The following CNTNAP2 variants were observed in gnomAD, a reference collection of about 807,000 sequenced individuals.
CNTNAP2 encodes the protein contactin associated protein 2.
Under a neutral mutation model 155.2 loss-of-function variants are expected in CNTNAP2, and 98 were observed. The observed-to-expected ratio is 0.63, with a 90% confidence interval of 0.54 to 0.75. CNTNAP2 has a LOEUF of 0.75. CNTNAP2 is among the 30% of genes least tolerant of loss of function. CNTNAP2 has a pLI of 0.00. For missense variants in CNTNAP2, 1,727 were observed against 1,688.1 expected (o/e 1.02, Z -0.40); for synonymous variants, 651 against 631.2 (o/e 1.03, Z -0.47).
chr7:146,282,358 C>G (rs1411632683), intron 1 of CNTNAP2, among the ~76,000 whole-genome samples: 1 of 152,194 alleles, frequency 6.6e-6, no homozygotes, highest in Non-Finnish European at 1.5e-5. Context: ...TACCTAGCTC[C>G]ATCGACTGCA....
chr7:147,799,960 G>A (rs1047615533), intron 13 of CNTNAP2, among the ~76,000 whole-genome samples: 1 of 152,108 alleles, frequency 6.6e-6, no homozygotes, highest in East Asian at 1.9e-4. Flanking sequence ...ATGCAGTAAG[G>A]GAAATACTTA....
chr7:146,800,905 G>A (rs1424224093), intron 2 of CNTNAP2, among the ~76,000 whole-genome samples: 1 of 151,922 alleles, frequency 6.6e-6, no homozygotes, highest in East Asian at 1.9e-4. Flanking sequence ...ATGCAATGTG[G>A]GAAAAGTATA....
At chr7:147,586,651 C>T (rs948513987) in intron 12 of CNTNAP2, among the ~76,000 whole-genome samples, 1 of 151,830 alleles carries the variant, frequency 6.6e-6, no homozygotes, top group Non-Finnish European at 1.5e-5. Flanking sequence ...CGGAAATACC[C>T]TTCACAGCTA....
intron 3 of CNTNAP2, among the ~76,000 whole-genome samples, chr7:146,869,658 C>G (rs550034886): frequency 2.0e-5 from 3 of 152,124 alleles, no homozygotes; most frequent in Non-Finnish European, 1.5e-5. Context: ...GAGCCCCTTG[C>G]AAACCACTGG....
chr7:146,286,344 A>G (rs988879209), intron 1 of CNTNAP2, among the ~76,000 whole-genome samples: 7 of 151,924 alleles, frequency 4.6e-5, no homozygotes, highest in Admixed American at 6.6e-5. Flanking sequence ...AACCTCCATA[A>G]TAAGAGCTGA....
At chr7:147,055,791 C>T (rs1584808495) in intron 4 of CNTNAP2, among the ~76,000 whole-genome samples, 1 of 151,900 alleles carries the variant, frequency 6.6e-6, no homozygotes, top group Non-Finnish European at 1.5e-5. Context: ...GAACGGAAGC[C>T]CAATACTCAA....
chr7:147,644,081 C>T (rs1017189954), intron 13 of CNTNAP2, among the ~76,000 whole-genome samples: 1 of 152,078 alleles, frequency 6.6e-6, no homozygotes, highest in Non-Finnish European at 1.5e-5. Context: ...TTACAAAATA[C>T]ACAGAAATGG....
intron 11 of CNTNAP2, among the ~76,000 whole-genome samples, chr7:147,532,974 AAAT>A (rs1256951548): frequency 6.6e-6 from 1 of 152,180 alleles, no homozygotes; most frequent in African/African-American, 2.4e-5. Flanking sequence ...CTTTTGTATT[AAAT>A]AATATGATTC....
rs115849569 is a variant in CNTNAP2, at chr7:147,740,124, T to C, written c.2098+100818T>C. 6.1e-3 allele frequency among the ~76,000 whole-genome samples: 923 copies of C among 152,306 alleles called. 4 individuals are homozygous for C. The highest frequency in any genetic ancestry group is 0.021 in the African/African-American group (881 of 41,566). ...GTTTAGTTTAGTCCCATAGTCCACTTGTGGGTCAGAGAAATACATTAATTA... is the reference window on the plus strand; with the variant it reads ...GTTTAGTTTAGTCCCATAGTCCACTCGTGGGTCAGAGAAATACATTAATTA... On this transcript the variant is annotated intron_variant, in intron 13 of 23. Transcript: ENST00000361727.
chr7:147,137,207 A>G (rs969551935), intron 8 of CNTNAP2, among the ~76,000 whole-genome samples: 11 of 151,358 alleles, frequency 7.3e-5, no homozygotes, highest in Admixed American at 1.3e-4. Flanking sequence ...GTGGAATACT[A>G]TTATGTCATT....
chr7:148,014,295 C>G (rs201998152), intron 15 of CNTNAP2: 2 of 61,432 alleles, frequency 3.3e-5, no homozygotes, highest in Non-Finnish European at 7.0e-5. Context: ...AAAAAAAAAC[C>G]ACCTCTCTTT....
chr7:146,967,337 C>T (rs148260827), intron 3 of CNTNAP2, among the ~76,000 whole-genome samples: 1,912 of 152,076 alleles, frequency 0.013, 43 homozygotes, highest in African/African-American at 0.044. Flanking sequence ...TAATACTAAT[C>T]CTGTGAAGAA....
intron 7 of CNTNAP2, among the ~76,000 whole-genome samples, 181 bp downstream of exon 7, chr7:147,129,017 ATAGCTAATGGGAC>A (rs1801297066): frequency 6.6e-6 from 1 of 152,220 alleles, no homozygotes; most frequent in African/African-American, 2.4e-5. Context: ...TTCTTTGAGA[ATAGCTAATGGGAC>A]TAGCTTGAAG....
At chr7:146,922,708 A>G (rs1796529896) in intron 3 of CNTNAP2, among the ~76,000 whole-genome samples, 1 of 152,156 alleles carries the variant, frequency 6.6e-6, no homozygotes, top group Admixed American at 6.6e-5. Context: ...CTCTGATTCT[A>G]ATTTCTCATT....
intron 20 of CNTNAP2, among the ~76,000 whole-genome samples, chr7:148,247,890 G>A (rs1796301153): frequency 6.6e-6 from 1 of 151,960 alleles, no homozygotes; most frequent in African/African-American, 2.4e-5. Context: ...CTGACCTCAA[G>A]CAATCTGCCC....
chr7:146,163,844 G>A (rs1004673168), intron 1 of CNTNAP2, among the ~76,000 whole-genome samples: 5 of 152,100 alleles, frequency 3.3e-5, no homozygotes, highest in African/African-American at 1.2e-4. Context: ...ATTTAGGAAT[G>A]CCTTTCTTTT....
chr7:146,913,959 G>C (rs2129217965), intron 3 of CNTNAP2, among the ~76,000 whole-genome samples: 1 of 151,956 alleles, frequency 6.6e-6, no homozygotes, highest in South Asian at 2.1e-4. Flanking sequence ...TTATGCCTTT[G>C]CATCCTCACA....
chr7:147,608,402 T>TA (rs1584851771), intron 12 of CNTNAP2, among the ~76,000 whole-genome samples: 3 of 151,748 alleles, frequency 2.0e-5, no homozygotes, highest in African/African-American at 7.3e-5. Flanking sequence ...GTGTTTTTTT[T>TA]AAACTTACTG....
intron 8 of CNTNAP2, among the ~76,000 whole-genome samples, chr7:147,239,885 A>C (rs1178192640): frequency 6.6e-6 from 1 of 152,168 alleles, no homozygotes; most frequent in Non-Finnish European, 1.5e-5. Flanking sequence ...TCCAAGTCGT[A>C]ATGCATCTTT....
Sources: gnomAD v4.1 joint callset for allele counts (sites outside exome capture counted in the v4.1 genomes callset) on GRCh38, gnomAD v4.1.1 for gene constraint, MANE v1.5 for transcripts, NCBI Gene and HGNC (gene_info 2026-07-23, HGNC 2026-07-21) for gene names.